PHF2: variants seen among roughly 807,000 people sequenced by gnomAD.
PHF2 encodes the protein PHD finger protein 2.
PHF2 carries 27 observed loss-of-function variants against 120.5 expected under a neutral mutation model. The ratio of observed to expected loss-of-function variants is 0.22; its 90% CI spans 0.17 to 0.31. The LOEUF (loss-of-function observed/expected upper bound fraction) is 0.31, where lower values mean the gene tolerates loss of function less well. Ranked by LOEUF, PHF2 falls within the 10% of genes least tolerant of loss-of-function variation. The pLI, the probability that PHF2 is intolerant of heterozygous loss-of-function variation, is 1.00. For synonymous variants in PHF2, 568 were observed against 592.5 expected (o/e 0.96, Z 0.60); for missense variants, 1,024 against 1,434.8 (o/e 0.71, Z 4.63).
In PHF2 at chr9:93,645,700, C is replaced by CTGAG. The variant is rs1826245699; in HGVS notation, c.371_372insTGAG (p.Pro126ArgfsTer7). The CTGAG allele has an allele frequency of 6.2e-7, 1 of 1,612,728 alleles. No individual in the cohort carries two copies. Among genetic ancestry groups the CTGAG allele is most frequent in the Non-Finnish European group, 8.5e-7 (1 of 1,179,652 alleles). ...GGCTACATGGAGGAGCACGGCTTCA[C>CTGAG]CGAGCCCATCCTCGTCCCTAAGAAA... On this transcript the variant is annotated frameshift_variant, in exon 4 of 22. Transcript: ENST00000359246. LOFTEE classifies it high-confidence loss of function.
rs1247550906 is a variant in PHF2, at chr9:93,660,286, C to T, written c.1424C>T (p.Pro475Leu). The T allele has an allele frequency of 6.2e-7, 1 of 1,610,252 alleles. No homozygotes were observed. The highest frequency in any genetic ancestry group is 8.5e-7 in the Non-Finnish European group (1 of 1,178,622). ...CGGGAGAAGGAGGAGCCCCCGTCTCCCATTGAGGCCACCCCGCCTCAATCC... is the reference window on the plus strand; with the variant it reads ...CGGGAGAAGGAGGAGCCCCCGTCTCTCATTGAGGCCACCCCGCCTCAATCC... ...GDREKEEPPS[P>L]IEATPPQSLL... The change falls in exon 12 of 22, where the codon CCC (proline) becomes CTC (leucine). Residue 475 changes from proline (P) to leucine (L), a missense_variant. Around this residue, in one of 2 missense-constraint regions of PHF2, gnomAD observed 677 missense variants for 857.4 expected, o/e 0.79. Transcript: ENST00000359246.
intron 4 of PHF2, among the ~76,000 whole-genome samples, chr9:93,647,132 T>G (rs1156335379): frequency 6.6e-6 from 1 of 152,214 alleles, no homozygotes; most frequent in Admixed American, 6.5e-5. Context: ...AGCTGTAATG[T>G]TCATGCTTGC....
intron 1 of PHF2, among the ~76,000 whole-genome samples, chr9:93,620,426 T>C (rs1392766176): frequency 6.6e-6 from 1 of 152,202 alleles, no homozygotes; most frequent in African/African-American, 2.4e-5. Context: ...GGGGATCCTT[T>C]GTGAGCTCAG....
chr9:93,677,741 C>A lies in PHF2; in HGVS notation c.*65C>A. ...CCCGGAGCCCCGCGAAAACATCTGC[C>A]TCCCAGGAGGGTGCCGAGCTGCCTC... On this transcript the variant is annotated 3_prime_UTR_variant, in exon 22 of 22. Transcript: ENST00000359246. This position sits in a 1 kb window ranked among gnomAD's most constrained non-coding sequence, Gnocchi z 4.4. The A allele has an allele frequency of 1.6e-6, 2 of 1,271,008 alleles. No homozygotes were observed. The highest frequency in any genetic ancestry group is 2.3e-6 in the Non-Finnish European group (2 of 880,328). 78.7% of individuals were successfully genotyped at this position (1,271,008 alleles called of 1,614,324 possible). A position where few individuals can be genotyped will look rare whatever the true frequency, so the allele number is the denominator to read the frequency against.
intron 1 of PHF2, among the ~76,000 whole-genome samples, chr9:93,623,995 CTT>C (rs1371419733): frequency 6.6e-6 from 1 of 152,226 alleles, no homozygotes; most frequent in African/African-American, 2.4e-5. Context: ...CCACCCATCT[CTT>C]TGCCTGGCTT....
intron 10 of PHF2, 74 bp from the exon 11 acceptor site, chr9:93,659,437 C>A: frequency 8.0e-7 from 1 of 1,247,888 alleles, no homozygotes; most frequent in Non-Finnish European, 1.2e-6. Flanking sequence ...CAGGCGACAG[C>A]CTGCAAGAAT....
At position 93,653,476 on chromosome 9, in the gene PHF2, G is replaced by A. The variant is rs1415730463; in HGVS notation, c.789+111G>A. On this transcript the variant is annotated intron_variant, in intron 6 of 21. Transcript: ENST00000359246. ...TGGCCAGGATGCGACTCCCCAGAGG[G>A]CCCCTGGACTGTCCATCCCTGGGAC... The A allele has an allele frequency of 9.9e-6, 11 of 1,110,232 alleles. 1 individual carries two copies. Among genetic ancestry groups the A allele is most frequent in the South Asian group, 8.8e-5 (6 of 67,838 alleles). The allele number at this position is 1,110,232 out of a possible 1,614,324, so 68.8% of individuals were successfully genotyped here.
chr9:93,652,494 T>C (rs1412136563), intron 5 of PHF2, among the ~76,000 whole-genome samples: 1 of 152,102 alleles, frequency 6.6e-6, no homozygotes, highest in African/African-American at 2.4e-5. Flanking sequence ...TGTTTCACCA[T>C]GTTGGCCAGG....
intron 1 of PHF2, among the ~76,000 whole-genome samples, chr9:93,586,322 G>A (rs1863043557): frequency 6.6e-6 from 1 of 152,218 alleles, no homozygotes; most frequent in African/African-American, 2.4e-5. Context: ...GCACTGTGGC[G>A]ACCACTGCCC....
chr9:93,673,649 C>A lies in PHF2; in HGVS notation c.2413C>A (p.Gln805Lys). Reference protein sequence around the residue: ...IQGMLSMANLQASDSCLQTTW... With the variant: ...IQGMLSMANLKASDSCLQTTW... The stretch of plus-strand genomic sequence containing the variant: ...GGGAATGCTGTCCATGGCCAACCTG[C>A]AGGCCTCCGACTCCTGCCTGCAGAC... The change falls in exon 18 of 22, where the codon CAG becomes AAG. Residue 805 changes from glutamine to lysine, a missense_variant. Physicochemically the swap from Gln to Lys is moderately conservative, Grantham distance 53. Transcript: ENST00000359246. The A allele has an allele frequency of 6.2e-7, 1 of 1,608,908 alleles. No homozygotes were observed. Among genetic ancestry groups the A allele is most frequent in the Non-Finnish European group, 8.5e-7 (1 of 1,176,842 alleles).
intron 1 of PHF2, among the ~76,000 whole-genome samples, chr9:93,613,263 C>T (rs1221383600): frequency 6.6e-6 from 1 of 152,220 alleles, no homozygotes; most frequent in Non-Finnish European, 1.5e-5. Context: ...TTCAAGGCAG[C>T]ACCTCAGCAT....
chr9:93,592,579 T>G (rs949828295), intron 1 of PHF2, among the ~76,000 whole-genome samples: 1 of 152,164 alleles, frequency 6.6e-6, no homozygotes, highest in Non-Finnish European at 1.5e-5. Flanking sequence ...GGTTGCTTGG[T>G]GAGTCTCTGT....
intron 2 of PHF2, among the ~76,000 whole-genome samples, chr9:93,633,482 G>A (rs1826037856): frequency 6.6e-6 from 1 of 152,222 alleles, no homozygotes; most frequent in Non-Finnish European, 1.5e-5. Flanking sequence ...GCCCTGTGGG[G>A]TTGGGGTGAC....
chr9:93,608,028 AGAAAG>A (rs904675239), intron 1 of PHF2, among the ~76,000 whole-genome samples: 4 of 151,714 alleles, frequency 2.6e-5, no homozygotes, highest in South Asian at 2.1e-4. Flanking sequence ...GAGGAAGGAA[AGAAAG>A]GAAAGGAAAG....
chr9:93,675,838 C>T (rs544280346), intron 20 of PHF2, 49 bp downstream of exon 20: 3 of 1,440,108 alleles, frequency 2.1e-6, no homozygotes, highest in African/African-American at 1.4e-5. Context: ...CTGCTACCCC[C>T]ACCTGGTGGG....
At chr9:93,611,129 T>C (rs1825626199) in intron 1 of PHF2, among the ~76,000 whole-genome samples, 1 of 152,144 alleles carries the variant, frequency 6.6e-6, no homozygotes, top group Non-Finnish European at 1.5e-5. Context: ...AGAAGAGTAT[T>C]CTTGGCTGGG....
chr9:93,675,004 G>A lies in PHF2; in HGVS notation c.2704G>A (p.Ala902Thr), dbSNP rs139530562. ...RSKKRKGSDDAPYSPTARVGP... is the reference protein window; with the variant it reads ...RSKKRKGSDDTPYSPTARVGP... ...GAAGAAAAGGAAAGGCTCAGACGAC[G>A]CTCCCTACAGCCCAACAGGTAGTGC... is the stretch of plus-strand genomic sequence containing the variant. Residue 902 changes from alanine (A) to threonine (T), a missense_variant, in exon 19 of 22, where the codon GCT (alanine) becomes ACT (threonine). Ala to Thr is a moderately conservative substitution (Grantham distance 58, BLOSUM62 0). Coordinates refer to ENST00000359246, the MANE Select transcript of PHF2 (RefSeq NM_005392.4). 8.2e-5 allele frequency: 133 copies of A among 1,613,446 alleles called. No individual in the cohort carries two copies. Among genetic ancestry groups the A allele is most frequent in the Middle Eastern group, 1.6e-4 (1 of 6,084 alleles).
At chr9:93,653,152 C>G in intron 5 of PHF2, 27 bp from the exon 6 acceptor site, 2 of 1,608,798 alleles carry the variant, frequency 1.2e-6, no homozygotes, top group Non-Finnish European at 8.5e-7. Context: ...CCCAGGTTCC[C>G]TCACCACCTT....
chr9:93,658,101 G>A lies in PHF2; in HGVS notation c.1148-44G>A, dbSNP rs568033020. Reference sequence around the variant, plus strand: ...TGTGGCTGGGCATGAAGGCACCTGTGGGCAGCAGGCACCCACCCACCTCAC... The same window carrying A: ...TGTGGCTGGGCATGAAGGCACCTGTAGGCAGCAGGCACCCACCCACCTCAC... On this transcript the variant is annotated intron_variant, in intron 9 of 21. Transcript: ENST00000359246. 3 of 1,404,914 alleles carry A rather than the reference G, an allele frequency of 2.1e-6. No homozygotes were observed. The South Asian group carries it at 3.6e-5, about 17-fold the overall frequency. The allele number at this position is 1,404,914 out of a possible 1,614,324, so 87.0% of individuals were successfully genotyped here. A position where few individuals can be genotyped will look rare whatever the true frequency, so the allele number is the denominator to read the frequency against.
Sources: gnomAD v4.1 joint callset for allele counts (sites outside exome capture counted in the v4.1 genomes callset) on GRCh38, gnomAD v4.1.1 for gene constraint, gnomAD v4.1.1 regional missense constraint, Gnocchi (gnomAD v3.1) non-coding constraint, MANE v1.5 for transcripts, NCBI Gene and HGNC (gene_info 2026-07-23, HGNC 2026-07-21) for gene names.